GPATCH8: variants seen among roughly 807,000 people sequenced by gnomAD.
GPATCH8 encodes G-patch domain containing 8.
In GPATCH8, 18 loss-of-function variants were observed where a neutral mutation model predicts 118.3. The observed-to-expected ratio is 0.15, with a 90% CI of 0.11 to 0.23. The LOEUF is 0.23. Ranked by LOEUF, GPATCH8 falls within the 10% of genes least tolerant of loss-of-function variation. The pLI, the probability that GPATCH8 is intolerant of heterozygous loss-of-function variation, is 1.00. For missense variants in GPATCH8, 1,631 were observed against 1,873.8 expected, an observed-to-expected ratio of 0.87 and a Z score of 2.39; for synonymous variants, 659 against 684.7, an observed-to-expected ratio of 0.96 and a Z score of 0.59.
chr17:44,466,770 T>C (rs1305606946), intron 2 of GPATCH8, among the ~76,000 whole-genome samples: 1 of 152,170 alleles, frequency 6.6e-6, no homozygotes, highest in Non-Finnish European at 1.5e-5. Flanking sequence ...AACTGAATAA[T>C]TCTAGGAAGG....
At chr17:44,481,523 GA>G (rs1232506516) in intron 1 of GPATCH8, among the ~76,000 whole-genome samples, 1 of 152,110 alleles carries the variant, frequency 6.6e-6, no homozygotes, top group African/African-American at 2.4e-5. Flanking sequence ...CTAAAGAAAA[GA>G]AAAAGATCAG....
chr17:44,434,951 A>T (rs918639669), intron 5 of GPATCH8, 114 bp downstream of exon 5: 2 of 729,056 alleles, frequency 2.7e-6, no homozygotes, highest in African/African-American at 3.4e-5. Flanking sequence ...ACTAATTACC[A>T]CCAAATGTCA....
chr17:44,403,704 T>C (rs75628916), intron 7 of GPATCH8, among the ~76,000 whole-genome samples: 17 of 151,422 alleles, frequency 1.1e-4, no homozygotes. Flanking sequence ...TTTTTTTTTT[T>C]TCTCCCAAGC....
At position 44,424,483 on chromosome 17, in the gene GPATCH8, C is replaced by T; in HGVS notation, c.358G>A (p.Asp120Asn). 1.2e-6 allele frequency: 2 copies of T among 1,607,158 alleles called. No individual in the cohort carries two copies. Among genetic ancestry groups the T allele is most frequent in the Non-Finnish European group, 1.7e-6 (2 of 1,173,960 alleles). The change falls in exon 6 of 8, where the codon GAC (aspartate) becomes AAC (asparagine). Residue 120 changes from aspartate (D) to asparagine (N), a missense_variant. Around this residue, in one of 8 missense-constraint regions of GPATCH8, gnomAD observed 81 missense variants for 227.6 expected, o/e 0.36. Coordinates refer to ENST00000591680, the MANE Select transcript of GPATCH8 (RefSeq NM_001002909.4). ...GCTTTGGCAATTGCCTTCTCTTTGT[C>T]AACATAATCCTTCAAGACCCATGAA... ...ELRQKYKDYV[D>N]KEKAIAKALE...
At chr17:44,404,569 CACA>C (rs1043460195) in intron 7 of GPATCH8, among the ~76,000 whole-genome samples, 8 of 152,254 alleles carry the variant, frequency 5.3e-5, no homozygotes, top group South Asian at 2.1e-4. Context: ...AATCACTCCT[CACA>C]ACAACTGTAA....
chr17:44,498,427 T>C (rs997378052), intron 1 of GPATCH8, among the ~76,000 whole-genome samples: 2 of 152,210 alleles, frequency 1.3e-5, no homozygotes, highest in African/African-American at 4.8e-5. Flanking sequence ...TCTCTCTCTG[T>C]GATGTTGAGA....
intron 7 of GPATCH8, among the ~76,000 whole-genome samples, chr17:44,403,829 G>T (rs576728180): frequency 6.6e-6 from 1 of 152,082 alleles, no homozygotes; most frequent in African/African-American, 2.4e-5. Flanking sequence ...TAGTAGCTGG[G>T]ATTACAGGCG....
At chr17:44,502,527 A>G (rs953390964) in intron 1 of GPATCH8, among the ~76,000 whole-genome samples, 3 of 152,206 alleles carry the variant, frequency 2.0e-5, no homozygotes, top group Admixed American at 6.5e-5. Flanking sequence ...TTTTTACTCA[A>G]TAGAGCTTGC....
chr17:44,430,806 C>CTTT (rs369020719), intron 5 of GPATCH8, among the ~76,000 whole-genome samples: 11 of 129,554 alleles, frequency 8.5e-5, no homozygotes, highest in Non-Finnish European at 9.8e-5. Flanking sequence ...CCACGCCCAG[C>CTTT]TTTTTTTTTT....
intron 2 of GPATCH8, among the ~76,000 whole-genome samples, chr17:44,470,730 G>A (rs777124859): frequency 3.3e-5 from 5 of 151,632 alleles, no homozygotes; most frequent in Non-Finnish European, 5.9e-5. Context: ...GGCTGTTCTC[G>A]AACTCCTGAC....
rs557044683 is a variant in GPATCH8 at position 44,473,135 on chromosome 17, A to AT, written c.120+1693dup. 4.8e-3 allele frequency among the ~76,000 whole-genome samples: 646 copies of AT among 134,766 alleles called. 3 individuals carry two copies. Among genetic ancestry groups the AT allele is most frequent in the African/African-American group, 7.2e-3 (266 of 36,844 alleles). 88.4% of individuals were successfully genotyped at this position (134,766 alleles called of 152,430 possible). A position where few individuals can be genotyped will look rare whatever the true frequency, so the allele number is the denominator to read the frequency against. ...ATTCAGAACAAGGCACAAACCAGTGATTTTTTTTTTTTTTTTTGAGACAGA... is the reference window on the plus strand; with the variant it reads ...ATTCAGAACAAGGCACAAACCAGTGATTTTTTTTTTTTTTTTTTGAGACAGA... On this transcript the variant is annotated intron_variant, in intron 2 of 7. Coordinates refer to ENST00000591680, the MANE Select transcript of GPATCH8 (RefSeq NM_001002909.4).
At chr17:44,433,254 ATG>A (rs1282219242) in intron 5 of GPATCH8, among the ~76,000 whole-genome samples, 1 of 152,226 alleles carries the variant, frequency 6.6e-6, no homozygotes, top group East Asian at 1.9e-4. Flanking sequence ...AAAAATAAAA[ATG>A]TATTCTTTAT....
At chr17:44,432,249 A>G (rs1488788835) in intron 5 of GPATCH8, among the ~76,000 whole-genome samples, 2 of 152,190 alleles carry the variant, frequency 1.3e-5, no homozygotes, top group East Asian at 3.8e-4. Flanking sequence ...GTGAAACAAA[A>G]GAGAAATATT....
At chr17:44,406,507 G>GGGA (rs1555622844) in intron 6 of GPATCH8, among the ~76,000 whole-genome samples, 1 of 51,420 alleles carries the variant, frequency 1.9e-5, no homozygotes, top group Non-Finnish European at 5.3e-5. Flanking sequence ...GGGGGGGGGG[G>GGGA]GTTATTTAAA....
At chr17:44,475,693 C>T (rs1967709519) in intron 1 of GPATCH8, among the ~76,000 whole-genome samples, 1 of 151,636 alleles carries the variant, frequency 6.6e-6, no homozygotes, top group Admixed American at 6.6e-5. Flanking sequence ...GACTCCATCT[C>T]AAAAACAAAC....
chr17:44,418,549 G>T (rs2049775049), intron 6 of GPATCH8, among the ~76,000 whole-genome samples: 1 of 151,792 alleles, frequency 6.6e-6, no homozygotes, highest in African/African-American at 2.4e-5. Flanking sequence ...CCACCTCCCG[G>T]ATTCAGGCAA....
chr17:44,459,698 G>A (rs1047233104), intron 3 of GPATCH8, among the ~76,000 whole-genome samples: 4 of 151,760 alleles, frequency 2.6e-5, no homozygotes, highest in Non-Finnish European at 2.9e-5. Context: ...CATCATCCTT[G>A]GCTTCAAGGA....
intron 2 of GPATCH8, chr17:44,464,751 G>A (rs1457825818): frequency 1.4e-5 from 8 of 561,592 alleles, no homozygotes; most frequent in Non-Finnish European, 2.5e-5. Flanking sequence ...AAGAACATAT[G>A]GGGTAAGGGT....
chr17:44,478,011 G>A (rs996038614), intron 1 of GPATCH8, among the ~76,000 whole-genome samples: 4 of 114,486 alleles, frequency 3.5e-5, no homozygotes, highest in Non-Finnish European at 7.3e-5. Flanking sequence ...GGTGGGGGGT[G>A]GGGGGGTTCA....
Sources: gnomAD v4.1 joint callset for allele counts (sites outside exome capture counted in the v4.1 genomes callset) on GRCh38, gnomAD v4.1.1 for gene constraint, gnomAD v4.1.1 regional missense constraint, MANE v1.5 for transcripts, NCBI Gene and HGNC (gene_info 2026-07-23, HGNC 2026-07-21) for gene names.